The following ARFGEF3 variants were observed in gnomAD, a reference collection of about 807,000 sequenced individuals.
The protein encoded by ARFGEF3 is ARFGEF family member 3, also known as brefeldin A-inhibited guanine nucleotide-exchange protein 3.
In ARFGEF3, 96 loss-of-function variants were observed where a neutral mutation model predicts 221.7. The ratio of observed to expected loss-of-function variants is 0.43; its 90% CI spans 0.37 to 0.51. The LOEUF is 0.51. Ranked by LOEUF, ARFGEF3 falls within the 20% of genes least tolerant of loss-of-function variation. The probability of loss-of-function intolerance (pLI) is 0.00; values close to 1 mark genes in which losing one functional copy is unlikely to be tolerated. For missense variants in ARFGEF3, 2,410 were observed against 2,789.9 expected (o/e 0.86, Z 3.07); for synonymous variants, 1,145 against 1,126.8 (o/e 1.02, Z -0.32).
chr6:138,321,063 C>T, intron 28 of ARFGEF3, 48 bp from the exon 29 acceptor site: 1 of 1,071,084 alleles, frequency 9.3e-7, no homozygotes, highest in South Asian at 1.4e-5. Flanking sequence ...TCAATCTACC[C>T]CTTTACACTA....
At chr6:138,286,421 G>C (rs1163202888) in intron 15 of ARFGEF3, among the ~76,000 whole-genome samples, 1 of 148,096 alleles carries the variant, frequency 6.8e-6, no homozygotes, top group Admixed American at 6.8e-5. Flanking sequence ...CTGCACTCCA[G>C]CCTGGGTGAC....
At chr6:138,306,066 T>G (rs2114658315) in intron 22 of ARFGEF3, among the ~76,000 whole-genome samples, 1 of 152,182 alleles carries the variant, frequency 6.6e-6, no homozygotes, top group East Asian at 1.9e-4. Context: ...ACAGACAACA[T>G]AGGGTTGTAT....
At chr6:138,215,900 G>A (rs1257116641) in intron 4 of ARFGEF3, 5 of 116,056 alleles carry the variant, frequency 4.3e-5, no homozygotes, top group Non-Finnish European at 3.4e-5. Flanking sequence ...AAGAGAGAGA[G>A]AGAGAGAGAG....
chr6:138,291,989 G>C lies in ARFGEF3; in HGVS notation c.3304G>C (p.Gly1102Arg), dbSNP rs985018509. ...GGGTCGGGCCTCCGACTTCCGCGGC[G>C]GGAGCCTCATGAGCGGGAGCAGCGC... ...SRGRASDFRGGSLMSGSSAAK... is the reference protein window; with the variant it reads ...SRGRASDFRGRSLMSGSSAAK... Residue 1102 changes from glycine (G) to arginine (R), a missense_variant, in exon 19 of 34, where the codon GGG (glycine) becomes CGG (arginine). By Grantham distance (125) the Gly-to-Arg change is moderately radical. Transcript: ENST00000251691. The surrounding 1 kb of genome is among the most constrained non-coding windows in gnomAD (Gnocchi z 4.5). 2 of 1,539,004 alleles carry C rather than the reference G, an allele frequency of 1.3e-6. No homozygotes were observed. The highest frequency in any genetic ancestry group is 1.7e-6 in the Non-Finnish European group (2 of 1,146,978).
At chr6:138,220,550 A>C (rs1027725885) in intron 4 of ARFGEF3, among the ~76,000 whole-genome samples, 1 of 152,200 alleles carries the variant, frequency 6.6e-6, no homozygotes, top group Non-Finnish European at 1.5e-5. Context: ...CTTCTATGAG[A>C]AAATGCATCC....
At chr6:138,289,159 T>C (rs1199174785) in intron 17 of ARFGEF3, among the ~76,000 whole-genome samples, 1 of 152,138 alleles carries the variant, frequency 6.6e-6, no homozygotes, top group Non-Finnish European at 1.5e-5. Flanking sequence ...CTCCATGTTG[T>C]TCAGGCTGGT....
intron 4 of ARFGEF3, among the ~76,000 whole-genome samples, chr6:138,224,984 T>A (rs1583020912): frequency 6.6e-6 from 1 of 152,198 alleles, no homozygotes; most frequent in African/African-American, 2.4e-5. Flanking sequence ...TTCAGCCAGG[T>A]TGACTAGGAC....
At chr6:138,319,298 T>G (rs957381653) in intron 27 of ARFGEF3, among the ~76,000 whole-genome samples, 1 of 150,978 alleles carries the variant, frequency 6.6e-6, no homozygotes, top group African/African-American at 2.4e-5. Context: ...AAAAAATGAG[T>G]ATGCAGACCG....
At position 138,339,586 on chromosome 6, in the gene ARFGEF3, A is replaced by G. The variant is rs138735772; in HGVS notation, c.*3100A>G. The G allele has an allele frequency of 1.3e-5, 2 of 152,348 alleles. No individual in the cohort carries two copies. The highest frequency in any genetic ancestry group is 2.1e-4 in the South Asian group (1 of 4,826). The allele number at this position is 152,348 out of a possible 1,614,324, so 9.4% of individuals were successfully genotyped here. ...CCTAAATTTTGGTAAAGTGTGCTTCATGAAACAAACATCTGGAAAACTCCA... is the reference window on the plus strand; with the variant it reads ...CCTAAATTTTGGTAAAGTGTGCTTCGTGAAACAAACATCTGGAAAACTCCA... On this transcript the variant is annotated 3_prime_UTR_variant, in exon 34 of 34. Transcript: ENST00000251691.
chr6:138,241,778 G>T (rs1233763696), intron 6 of ARFGEF3, among the ~76,000 whole-genome samples: 2 of 152,180 alleles, frequency 1.3e-5, no homozygotes, highest in African/African-American at 2.4e-5. Context: ...CCTAATAAAT[G>T]TTTATCCCCA....
chr6:138,298,541 C>A, intron 21 of ARFGEF3, 65 bp from the exon 22 acceptor site: 1 of 1,358,872 alleles, frequency 7.4e-7, no homozygotes, highest in South Asian at 1.4e-5. Context: ...GGTAGGAAAG[C>A]CTTCAGAAAC....
chr6:138,222,758 G>A (rs1203519864), intron 4 of ARFGEF3, among the ~76,000 whole-genome samples: 1 of 152,106 alleles, frequency 6.6e-6, no homozygotes, highest in Admixed American at 6.6e-5. Context: ...GGTACAAGTG[G>A]CTTTTGGTTG....
At chr6:138,203,955 C>G (rs544994883) in intron 2 of ARFGEF3, among the ~76,000 whole-genome samples, 1 of 152,108 alleles carries the variant, frequency 6.6e-6, no homozygotes, top group East Asian at 1.9e-4. Context: ...CATTTATTTT[C>G]TAAGGGAGAT....
Position 138,344,487 on chromosome 6 carries a change from CA to C in ARFGEF3, c.*8003del, listed in dbSNP as rs1780481459. 1 of 152,008 alleles carries C rather than the reference CA, an allele frequency of 6.6e-6. No homozygotes were observed. The highest frequency in any genetic ancestry group is 2.1e-4 in the South Asian group (1 of 4,818). 9.4% of individuals were successfully genotyped at this position (152,008 alleles called of 1,614,324 possible). On this transcript the variant is annotated 3_prime_UTR_variant, in exon 34 of 34. Coordinates refer to ENST00000251691, the MANE Select transcript of ARFGEF3 (RefSeq NM_020340.5). ...TCTTTGTTTAACAGGTCTCTGTAAG[CA>C]AGCTTGCAAGTGTATTTTGTGTACA...
rs1019555849 is a variant in ARFGEF3 at position 138,338,800 on chromosome 6, A to G, written c.*2314A>G. 3 of 119,170 alleles carry G rather than the reference A, an allele frequency of 2.5e-5. No individual in the cohort carries two copies. Among genetic ancestry groups the G allele is most frequent in the Admixed American group, 8.3e-5 (1 of 12,024 alleles). The allele number at this position is 119,170 out of a possible 1,614,324, so 7.4% of individuals were successfully genotyped here. A position where few individuals can be genotyped will look rare whatever the true frequency, so the allele number is the denominator to read the frequency against. The stretch of plus-strand genomic sequence containing the variant: ...GGGTGACAAGAGTGAAACTCCATCT[A>G]AAAAAAAAAAAAAAAAAAAGTGAAT... On this transcript the variant is annotated 3_prime_UTR_variant, in exon 34 of 34. Coordinates refer to ENST00000251691, the MANE Select transcript of ARFGEF3 (RefSeq NM_020340.5).
chr6:138,200,722 C>A (rs1777519299), intron 2 of ARFGEF3, among the ~76,000 whole-genome samples: 1 of 152,164 alleles, frequency 6.6e-6, no homozygotes, highest in Non-Finnish European at 1.5e-5. Flanking sequence ...TATAAAAATT[C>A]TAGAAGATAA....
Position 138,255,697 on chromosome 6 carries a change from G to A in ARFGEF3, c.1032G>A (p.Gln344=). The A allele has an allele frequency of 6.2e-7, 1 of 1,612,870 alleles. No individual in the cohort carries two copies. Among genetic ancestry groups the A allele is most frequent in the African/African-American group, 1.3e-5 (1 of 75,002 alleles). The change falls in exon 10 of 34, where the codon CAG becomes CAA. Residue 344 remains glutamine, a synonymous_variant. Transcript: ENST00000251691. ...TGGACTCCATGAAGCCCGTGCTCCA[G>A]TCCCTCTACCACCGAGTGCTGCTCT... ...GSVDSMKPVL[Q]SLYHRVLLYP...
Position 138,255,472 on chromosome 6 carries a change from G to C in ARFGEF3, c.807G>C (p.Gly269=). 1 of 1,610,990 alleles carries C rather than the reference G, an allele frequency of 6.2e-7. No homozygotes were observed. The highest frequency in any genetic ancestry group is 8.5e-7 in the Non-Finnish European group (1 of 1,177,428). ...GCCCTGCTCTCATCGTGATCTTGGG[G>C]AATCCAATTCATGACAAAACCATCA... ...NLCPALIVIL[G]NPIHDKTITS... Residue 269 remains glycine, a synonymous_variant, in exon 10 of 34, where the codon GGG becomes GGC. Coordinates refer to ENST00000251691, the MANE Select transcript of ARFGEF3 (RefSeq NM_020340.5).
At chr6:138,282,188 C>T (rs556950084) in intron 14 of ARFGEF3, among the ~76,000 whole-genome samples, 22 of 152,282 alleles carry the variant, frequency 1.4e-4, no homozygotes, top group African/African-American at 2.9e-4. Context: ...CTCCTGACCT[C>T]AGGTGATCTG....
Sources: gnomAD v4.1 joint callset for allele counts (sites outside exome capture counted in the v4.1 genomes callset) on GRCh38, gnomAD v4.1.1 for gene constraint, Gnocchi (gnomAD v3.1) non-coding constraint, MANE v1.5 for transcripts, NCBI Gene and HGNC (gene_info 2026-07-23, HGNC 2026-07-21) for gene names.